Variants in RNF34 observed in about 807,000 individuals in gnomAD.
The protein encoded by RNF34 is ring finger protein 34.
RNF34 carries 12 observed loss-of-function variants against 37.9 expected under a neutral mutation model. The ratio of observed to expected loss-of-function variants is 0.32; its 90% CI spans 0.20 to 0.51. RNF34 has a LOEUF of 0.51. Among genes scored for constraint, RNF34 ranks in the 20% least tolerant of loss-of-function variants. The pLI is 0.97. For synonymous variants in RNF34, 155 were observed against 177.2 expected, an observed-to-expected ratio of 0.87 and a Z score of 1.00; for missense variants, 362 against 472.7, an observed-to-expected ratio of 0.77 and a Z score of 2.17.
intron 1 of RNF34, among the ~76,000 whole-genome samples, chr12:121,403,039 G>A (rs1354203913): frequency 6.6e-6 from 1 of 152,164 alleles, no homozygotes; most frequent in Non-Finnish European, 1.5e-5. Flanking sequence ...TTCAGTTGAA[G>A]CAGCAGTTTT....
intron 5 of RNF34, among the ~76,000 whole-genome samples, chr12:121,421,396 A>C (rs1034614151): frequency 1.3e-5 from 2 of 149,722 alleles, no homozygotes; most frequent in Non-Finnish European, 1.5e-5. Flanking sequence ...AAAAAAAAAA[A>C]AACCAAAAAA....
At chr12:121,407,503 GTA>G (rs1360554132) in intron 1 of RNF34, among the ~76,000 whole-genome samples, 1 of 152,224 alleles carries the variant, frequency 6.6e-6, no homozygotes, top group African/African-American at 2.4e-5. Context: ...CATATGCCTA[GTA>G]TACAACAACT....
chr12:121,421,422 A>T (rs1467202786), intron 5 of RNF34, among the ~76,000 whole-genome samples: 1 of 143,872 alleles, frequency 7.0e-6, no homozygotes, highest in African/African-American at 2.5e-5. Context: ...GTGTGGTGGC[A>T]CCAGCCTGTG....
chr12:121,420,672 A>G lies in RNF34; in HGVS notation c.822A>G (p.Glu274=). The G allele has an allele frequency of 6.2e-7, 1 of 1,614,164 alleles. No individual in the cohort carries two copies. Among genetic ancestry groups the G allele is most frequent in the East Asian group, 2.2e-5 (1 of 44,886 alleles). The part of the protein sequence containing the change: ...VEGMSVRQLK[E]ILARNFVNYS... ...GAATGAGCGTGCGCCAGCTGAAGGA[A>G]ATTCTGGCTCGGAATTTTGTCAACT... Residue 274 remains glutamate, a synonymous_variant, in exon 5 of 6, where the codon GAA becomes GAG. Transcript: ENST00000361234.
chr12:121,413,350 C>T (rs1176908719), intron 1 of RNF34, among the ~76,000 whole-genome samples: 1 of 150,686 alleles, frequency 6.6e-6, no homozygotes, highest in Non-Finnish European at 1.5e-5. Context: ...TTTAAGCACA[C>T]CATGGCTGTA....
At chr12:121,414,260 A>T (rs1871357706) in intron 1 of RNF34, among the ~76,000 whole-genome samples, 1 of 152,256 alleles carries the variant, frequency 6.6e-6, no homozygotes, top group Non-Finnish European at 1.5e-5. Flanking sequence ...CTCGACTTCC[A>T]TTACCTATCA....
At chr12:121,415,897 A>G (rs184732914) in intron 1 of RNF34, among the ~76,000 whole-genome samples, 1 of 117,510 alleles carries the variant, frequency 8.5e-6, no homozygotes, top group Admixed American at 1.1e-4. Flanking sequence ...TTGGGTGGGT[A>G]GGGAGGTTTT....
chr12:121,402,878 A>C, intron 1 of RNF34: 1 of 1,156,038 alleles, frequency 8.7e-7, no homozygotes, highest in Non-Finnish European at 1.3e-6. Flanking sequence ...GTCTAAAAGT[A>C]TTACATTTTA....
At chr12:121,419,048 T>C (rs1871846617) in intron 3 of RNF34, among the ~76,000 whole-genome samples, 1 of 152,160 alleles carries the variant, frequency 6.6e-6, no homozygotes, top group African/African-American at 2.4e-5. Context: ...AGAGGGAAAT[T>C]TGGTCTAATT....
At position 121,420,283 on chromosome 12, in the gene RNF34, TGAC is replaced by T. The variant is rs1411829827; in HGVS notation, c.681_683del (p.Asp229del). 1.6e-5 allele frequency: 25 copies of T among 1,595,394 alleles called. No individual in the cohort carries two copies. In the Middle Eastern group the frequency reaches 1.2e-3, roughly 74 times the overall value. On this transcript the variant is annotated inframe_deletion, in exon 4 of 6. Transcript: ENST00000361234. Reference sequence around the variant, plus strand: ...CTTCAGCAAACACAGAAGATGATGATGACGACGATGATGAGGATGATGATGATG... The same window carrying T: ...CTTCAGCAAACACAGAAGATGATGATGACGATGATGAGGATGATGATGATG...
intron 1 of RNF34, chr12:121,404,968 A>C (rs562989707): frequency 1.6e-4 from 25 of 152,380 alleles, no homozygotes; most frequent in African/African-American, 6.0e-4. Flanking sequence ...CTTGCAAAGA[A>C]ACAGAACACC....
At chr12:121,404,387 CTTTTTTTTT>C (rs782225104) in intron 1 of RNF34, among the ~76,000 whole-genome samples, 2 of 65,824 alleles carry the variant, frequency 3.0e-5, no homozygotes, top group Non-Finnish European at 4.8e-5. Flanking sequence ...GTCATTTAAT[CTTTTTTTTT>C]TTTTTTTTTT....
In RNF34 at chr12:121,417,495, T is replaced by C; in HGVS notation, c.226-9T>C. On this transcript the variant is annotated splice_polypyrimidine_tract_variant and intron_variant, in intron 2 of 5. Transcript: ENST00000361234. The surrounding 1 kb of genome is among the most constrained non-coding windows in gnomAD (Gnocchi z 5.0). ...ATCTTGCTGTCATCAAATGCTTTTC[T>C]TTCTTCAGCATGTTTGCTGTGACTG... 1 of 1,603,294 alleles carries C rather than the reference T, an allele frequency of 6.2e-7. No individual in the cohort carries two copies. Among genetic ancestry groups the C allele is most frequent in the Non-Finnish European group, 8.5e-7 (1 of 1,174,306 alleles).
chr12:121,406,838 T>C (rs952848103), intron 1 of RNF34, among the ~76,000 whole-genome samples: 1 of 152,204 alleles, frequency 6.6e-6, no homozygotes, highest in Non-Finnish European at 1.5e-5. Context: ...ATTCTCTTAT[T>C]CTCTATGTTG....
chr12:121,421,371 T>TAAAAAAAAAAAAAAAAAAA (rs11398833), intron 5 of RNF34, among the ~76,000 whole-genome samples: 1 of 46,378 alleles, frequency 2.2e-5, no homozygotes, highest in Non-Finnish European at 4.4e-5. Context: ...ATCCCATCTC[T>TAAAAAAAAAAAAAAAAAAA]AAAAAAAAAA....
rs1872354674 is a variant in RNF34 at position 121,423,611 on chromosome 12, A to T, written c.*35A>T. On this transcript the variant is annotated 3_prime_UTR_variant, in exon 6 of 6. Coordinates refer to ENST00000361234, the MANE Select transcript of RNF34 (RefSeq NM_025126.4). This position sits in a 1 kb window ranked among gnomAD's most constrained non-coding sequence, Gnocchi z 4.3. ...CCCTCACCAGGACAGTCACCCCCAAACTTGACCCCCAACATTTCAATGCAC... is the reference window on the plus strand; with the variant it reads ...CCCTCACCAGGACAGTCACCCCCAATCTTGACCCCCAACATTTCAATGCAC... 6.3e-7 allele frequency: 1 copy of T among 1,577,390 alleles called. No homozygotes were observed. Among genetic ancestry groups the T allele is most frequent in the Non-Finnish European group, 8.7e-7 (1 of 1,152,080 alleles).
At chr12:121,401,566 T>C (rs1870002761) in intron 1 of RNF34, among the ~76,000 whole-genome samples, 1 of 152,176 alleles carries the variant, frequency 6.6e-6, no homozygotes, top group African/African-American at 2.4e-5. Flanking sequence ...TAGAAGTAGC[T>C]TTATTTCCTG....
intron 3 of RNF34, chr12:121,418,255 G>A (rs79602836): frequency 6.3e-5 from 13 of 204,978 alleles, no homozygotes; most frequent in Admixed American, 1.1e-4. Flanking sequence ...GTTAGTGCAC[G>A]TGTTTCAGTG....
chr12:121,402,074 A>T (rs1870044645), intron 1 of RNF34, among the ~76,000 whole-genome samples: 1 of 152,204 alleles, frequency 6.6e-6, no homozygotes, highest in Non-Finnish European at 1.5e-5. Context: ...ATGTCATGGA[A>T]TGCTAACATG....
Sources: gnomAD v4.1 joint callset for allele counts (sites outside exome capture counted in the v4.1 genomes callset) on GRCh38, gnomAD v4.1.1 for gene constraint, Gnocchi (gnomAD v3.1) non-coding constraint, MANE v1.5 for transcripts, NCBI Gene and HGNC (gene_info 2026-07-23, HGNC 2026-07-21) for gene names.